The following CDKL1 variants were observed in gnomAD, a reference collection of about 807,000 sequenced individuals.
CDKL1 encodes the protein cyclin-dependent kinase-like 1.
In CDKL1, 41 loss-of-function variants were observed where a neutral mutation model predicts 42.0. The ratio of observed to expected loss-of-function variants is 0.98; its 90% CI spans 0.76 to 1.27. The LOEUF (loss-of-function observed/expected upper bound fraction) is 1.27, where lower values mean the gene tolerates loss of function less well. CDKL1 is among the 50% of genes most tolerant of loss of function. CDKL1 has a pLI of 0.00. For synonymous variants in CDKL1, 153 were observed against 158.6 expected (o/e 0.96, Z 0.26); for missense variants, 394 against 428.4 (o/e 0.92, Z 0.71).
intron 3 of CDKL1, among the ~76,000 whole-genome samples, chr14:50,353,485 T>A (rs1053074336): frequency 7.3e-5 from 11 of 151,564 alleles, no homozygotes; most frequent in African/African-American, 2.7e-4. Context: ...TGGGAAGGGC[T>A]GGGGGTCTGG....
chr14:50,373,466 A>C (rs2034643010), intron 2 of CDKL1, among the ~76,000 whole-genome samples: 1 of 152,224 alleles, frequency 6.6e-6, no homozygotes, highest in Admixed American at 6.5e-5. Flanking sequence ...GATTGGCAGC[A>C]TCCAGTGCTG....
In CDKL1 at chr14:50,341,017, A is replaced by G. The variant is rs752514609; in HGVS notation, c.655+15T>C. 2.0e-5 allele frequency: 32 copies of G among 1,609,378 alleles called. No homozygotes were observed. The highest frequency in any genetic ancestry group is 2.6e-5 in the Non-Finnish European group (31 of 1,179,876). ...TATCCAGTTTTCCAAAAGGTGGGAC[A>G]AAAACACCACTTACCCAAGGTCTTC... is the stretch of plus-strand genomic sequence containing the variant. On this transcript the variant is annotated intron_variant, in intron 6 of 9. Coordinates refer to ENST00000395834, the MANE Select transcript of CDKL1 (RefSeq NM_004196.7).
At chr14:50,386,510 T>C (rs7147228) in intron 2 of CDKL1, among the ~76,000 whole-genome samples, 88,082 of 152,064 alleles carry the variant, frequency 0.58, 25,938 homozygotes, top group East Asian at 0.78. Flanking sequence ...GCGAAGGGTA[T>C]GCAGGTATTC....
Position 50,350,234 on chromosome 14 carries a change from T to C in CDKL1, c.291-5176A>G, listed in dbSNP as rs552657800. ...CCTAAGGAAGATGTTCTTAAAATTG[T>C]AGCCCGTGCTAGCAAGGCTAGGGAA... On this transcript the variant is annotated intron_variant, in intron 3 of 9. Coordinates refer to ENST00000395834, the MANE Select transcript of CDKL1 (RefSeq NM_004196.7). Among the ~76,000 whole-genome samples the C allele has an allele frequency of 9.8e-5, 15 of 152,332 alleles. No homozygotes were observed. The East Asian group carries it at 2.7e-3, about 27-fold the overall frequency.
At chr14:50,333,973 C>G (rs1388833272) in intron 8 of CDKL1, 2 of 151,636 alleles carry the variant, frequency 1.3e-5, no homozygotes, top group Non-Finnish European at 2.9e-5. Flanking sequence ...GATCCTGCAG[C>G]TAAGGATTTT....
rs2032708648 is a variant in CDKL1 at position 50,326,496 on chromosome 14, T to C, written c.*3578A>G. On this transcript the variant is annotated 3_prime_UTR_variant, in exon 10 of 10. Coordinates refer to ENST00000395834, the MANE Select transcript of CDKL1 (RefSeq NM_004196.7). ...ATTATGCAAAGTGGTCAGTGGTTGT[T>C]GAAGCATGCATTGCTTCAACAGGAT... The C allele has an allele frequency of 4.1e-6, 4 of 985,428 alleles. No individual in the cohort carries two copies. Among genetic ancestry groups the C allele is most frequent in the Non-Finnish European group, 4.8e-6 (4 of 829,912 alleles). The allele number at this position is 985,428 out of a possible 1,614,324, so 61.0% of individuals were successfully genotyped here. A position where few individuals can be genotyped will look rare whatever the true frequency, so the allele number is the denominator to read the frequency against.
intron 7 of CDKL1, 54 bp from the exon 8 acceptor site, chr14:50,334,675 A>G (rs932649161): frequency 9.4e-7 from 1 of 1,066,478 alleles, no homozygotes; most frequent in South Asian, 1.3e-5. Flanking sequence ...AATTAAGGTT[A>G]CCTCAAATTA....
At position 50,334,570 on chromosome 14, in the gene CDKL1, G is replaced by C. The variant is rs762798952; in HGVS notation, c.790C>G (p.Leu264Val). 1.9e-6 allele frequency: 3 copies of C among 1,591,014 alleles called. No individual in the cohort carries two copies. The highest frequency in any genetic ancestry group is 2.2e-5 in the South Asian group (2 of 90,548). Residue 264 changes from leucine to valine, a missense_variant, in exon 8 of 10, where the codon CTA (leucine) becomes GTA (valine). Physicochemically the swap from Leu to Val is conservative, Grantham distance 32. Transcript: ENST00000395834. ...PNISYPALGL[L>V]KGCLHMDPTQ... is the part of the protein sequence containing the mutation. ...TTGGAAGCCATGATTTTTACCTTTA[G>C]GAGCCCCAGGGCAGGATAAGAGATG...
intron 2 of CDKL1, among the ~76,000 whole-genome samples, chr14:50,392,265 G>C (rs956247594): frequency 6.6e-6 from 1 of 152,038 alleles, no homozygotes; most frequent in Non-Finnish European, 1.5e-5. Context: ...GACCAACATG[G>C]TGAAACCCTC....
intron 2 of CDKL1, among the ~76,000 whole-genome samples, chr14:50,371,802 C>T (rs960219347): frequency 6.6e-6 from 1 of 152,196 alleles, no homozygotes; most frequent in Non-Finnish European, 1.5e-5. Flanking sequence ...CCTGGGAGGC[C>T]CCCCAACCCC....
At chr14:50,383,544 C>T (rs1595368276) in intron 2 of CDKL1, among the ~76,000 whole-genome samples, 1 of 79,650 alleles carries the variant, frequency 1.3e-5, no homozygotes. Flanking sequence ...CACAGTGAGA[C>T]TGTCTCAAAA....
At chr14:50,350,689 C>T (rs11570820) in intron 3 of CDKL1, among the ~76,000 whole-genome samples, 101 of 152,300 alleles carry the variant, frequency 6.6e-4, no homozygotes, top group Admixed American at 2.0e-3. Context: ...CTCCCCCGAC[C>T]TAGAAATGAG....
At chr14:50,380,129 G>T (rs1453626053) in intron 2 of CDKL1, 1 of 522,968 alleles carries the variant, frequency 1.9e-6, no homozygotes, top group South Asian at 1.4e-5. Context: ...TATGACCTGT[G>T]AAGTAAGAGC....
At chr14:50,338,180 A>T (rs972578536) in intron 7 of CDKL1, among the ~76,000 whole-genome samples, 1 of 152,154 alleles carries the variant, frequency 6.6e-6, no homozygotes, top group Non-Finnish European at 1.5e-5. Flanking sequence ...TGGCCATAAT[A>T]GAGGGTAAGC....
chr14:50,369,760 A>G (rs914374740), intron 2 of CDKL1, among the ~76,000 whole-genome samples: 3 of 151,596 alleles, frequency 2.0e-5, no homozygotes, highest in African/African-American at 7.3e-5. Context: ...CTGGGATTAC[A>G]GGCACCAGCC....
chr14:50,390,488 A>G, intron 2 of CDKL1: 1 of 784,984 alleles, frequency 1.3e-6, no homozygotes, highest in South Asian at 1.8e-5. Context: ...ATTACTTTGT[A>G]TTTGTATGGT....
Position 50,329,997 on chromosome 14 carries a change from T to G in CDKL1, c.*77A>C. 6.6e-7 allele frequency: 1 copy of G among 1,512,464 alleles called. No individual in the cohort carries two copies. Among genetic ancestry groups the G allele is most frequent in the African/African-American group, 1.4e-5 (1 of 70,384 alleles). 93.7% of individuals were successfully genotyped at this position (1,512,464 alleles called of 1,614,324 possible). A position where few individuals can be genotyped will look rare whatever the true frequency, so the allele number is the denominator to read the frequency against. ...GTGTGTTTTCAACATTGTAATTGTT[T>G]TCAATCAACTGTATAAGTTTTATTT... On this transcript the variant is annotated 3_prime_UTR_variant, in exon 10 of 10. Transcript: ENST00000395834.
At chr14:50,367,840 G>A (rs1420231605) in intron 2 of CDKL1, among the ~76,000 whole-genome samples, 2 of 152,140 alleles carry the variant, frequency 1.3e-5, no homozygotes, top group African/African-American at 2.4e-5. Context: ...CTAGAAGCAC[G>A]GGCCTGCTCG....
At position 50,376,155 on chromosome 14, in the gene CDKL1, G is replaced by C. The variant is rs189532831; in HGVS notation, c.169-17006C>G. On this transcript the variant is annotated intron_variant, in intron 2 of 9. Coordinates refer to ENST00000395834, the MANE Select transcript of CDKL1 (RefSeq NM_004196.7). The stretch of plus-strand genomic sequence containing the variant: ...AAAGTATAGATGGACTTCAGTTAAT[G>C]ATAATGCATCAGCATTGGTTCATTG... 1.9e-3 allele frequency among the ~76,000 whole-genome samples: 293 copies of C among 152,322 alleles called. 3 individuals are homozygous for C. The highest frequency in any genetic ancestry group is 3.5e-3 in the South Asian group (17 of 4,822).
Sources: gnomAD v4.1 joint callset for allele counts (sites outside exome capture counted in the v4.1 genomes callset) on GRCh38, gnomAD v4.1.1 for gene constraint, MANE v1.5 for transcripts, NCBI Gene and HGNC (gene_info 2026-07-23, HGNC 2026-07-21) for gene names.